APMAP: variants seen among roughly 807,000 people sequenced by gnomAD.
APMAP encodes adipocyte plasma membrane-associated protein.
APMAP carries 33 observed loss-of-function variants against 43.6 expected under a neutral mutation model. The ratio of observed to expected loss-of-function variants is 0.76; its 90% CI spans 0.57 to 1.01. APMAP has a LOEUF of 1.01. Among genes scored for constraint, APMAP ranks in the 50% least tolerant of loss-of-function variants. APMAP has a pLI of 0.00. For missense variants in APMAP, 498 were observed against 540.7 expected (o/e 0.92, Z 0.78); for synonymous variants, 224 against 216.7 (o/e 1.03, Z -0.30).
chr20:24,987,283 G>A (rs762132610), intron 1 of APMAP, among the ~76,000 whole-genome samples: 32 of 152,124 alleles, frequency 2.1e-4, no homozygotes, highest in Non-Finnish European at 3.8e-4. Context: ...ACCACCACAC[G>A]TGGCTAATTG....
At chr20:24,969,461 C>T in intron 7 of APMAP, 65 bp downstream of exon 7, 2 of 1,539,600 alleles carry the variant, frequency 1.3e-6, no homozygotes, top group Non-Finnish European at 1.8e-6. Flanking sequence ...ATTTCCATGC[C>T]CACCCCACCC....
chr20:24,989,799 A>G (rs1326100159), intron 1 of APMAP, among the ~76,000 whole-genome samples: 2 of 152,198 alleles, frequency 1.3e-5, no homozygotes, highest in Non-Finnish European at 2.9e-5. Flanking sequence ...GCTGAGACAA[A>G]CACTCCAGCT....
In APMAP at chr20:24,978,740, T is replaced by A. The variant is rs76109420; in HGVS notation, c.328+27A>T. ...TCAGACAACAGACAGCCTGGAAGGC[T>A]CCCCCCCCACCCAAGCTTAGACTTA... On this transcript the variant is annotated intron_variant, in intron 3 of 8. Transcript: ENST00000217456. The A allele has an allele frequency of 6.9e-6, 7 of 1,014,598 alleles. No homozygotes were observed. The African/African-American group carries it at 1.0e-4, about 15-fold the overall frequency. 62.8% of individuals were successfully genotyped at this position (1,014,598 alleles called of 1,614,324 possible). A position where few individuals can be genotyped will look rare whatever the true frequency, so the allele number is the denominator to read the frequency against.
At chr20:24,964,104 C>A in intron 8 of APMAP, 82 bp from the exon 9 acceptor site, 1 of 1,410,036 alleles carries the variant, frequency 7.1e-7, no homozygotes, top group Non-Finnish European at 9.9e-7. Context: ...CCCCCACCAT[C>A]CAGGAACGGT....
intron 2 of APMAP, among the ~76,000 whole-genome samples, chr20:24,980,885 G>C (rs748600296): frequency 9.2e-5 from 14 of 152,234 alleles, no homozygotes; most frequent in Non-Finnish European, 1.6e-4. Flanking sequence ...TACACGCCAG[G>C]CAGCGCAGGG....
chr20:24,985,114 C>T (rs1263906118), intron 1 of APMAP, among the ~76,000 whole-genome samples: 5 of 152,160 alleles, frequency 3.3e-5, no homozygotes, highest in Non-Finnish European at 7.3e-5. Flanking sequence ...AGGCCAAGCC[C>T]TCTTTCCCAA....
chr20:24,986,530 G>C (rs2088148529), intron 1 of APMAP, among the ~76,000 whole-genome samples: 1 of 152,150 alleles, frequency 6.6e-6, no homozygotes, highest in East Asian at 1.9e-4. Context: ...ATGGGTATAA[G>C]CACCACAGGC....
rs1600281296 is a variant in APMAP at position 24,969,654 on chromosome 20, C to T, written c.720G>A (p.Leu240=). 1 of 1,611,674 alleles carries T rather than the reference C, an allele frequency of 6.2e-7. No homozygotes were observed. Among genetic ancestry groups the T allele is most frequent in the East Asian group, 2.2e-5 (1 of 44,804 alleles). The change falls in exon 7 of 9, where the codon CTG becomes CTA. Residue 240 remains leucine (L), a synonymous_variant. Transcript: ENST00000217456. The stretch of plus-strand genomic sequence containing the variant: ...CTTCCCTGGTCACAGTATCATACTC[C>T]AGCAGGCTGTGGAACACCAAAAGCA... The part of the protein sequence containing the change: ...VMEGTDDGRL[L]EYDTVTREVK...
At chr20:24,975,271 T>C (rs922935568) in intron 3 of APMAP, among the ~76,000 whole-genome samples, 1 of 152,152 alleles carries the variant, frequency 6.6e-6, no homozygotes. Context: ...ATTGTCTAGA[T>C]AGAAAATCTG....
chr20:24,966,059 C>A (rs757553108), intron 8 of APMAP, among the ~76,000 whole-genome samples: 14 of 152,098 alleles, frequency 9.2e-5, no homozygotes, highest in South Asian at 2.1e-4. Flanking sequence ...GCAGCGACAC[C>A]CAAAGCAGCG....
At chr20:24,988,876 C>T (rs1270831714) in intron 1 of APMAP, among the ~76,000 whole-genome samples, 6 of 152,184 alleles carry the variant, frequency 3.9e-5, no homozygotes, top group African/African-American at 1.2e-4. Context: ...CTTTCTGCAA[C>T]GATGGAAATA....
chr20:24,990,231 T>C (rs73114363), intron 1 of APMAP, among the ~76,000 whole-genome samples: 1,714 of 152,354 alleles, frequency 0.011, 7 homozygotes, highest in Non-Finnish European at 0.018. Flanking sequence ...AAATTCTCCA[T>C]TATATTTCAA....
At position 24,992,725 on chromosome 20, in the gene APMAP, A is replaced by T; in HGVS notation, c.-37T>A. 1 of 1,438,374 alleles carries T rather than the reference A, an allele frequency of 7.0e-7. No homozygotes were observed. The highest frequency in any genetic ancestry group is 9.2e-7 in the Non-Finnish European group (1 of 1,082,842). 89.1% of individuals were successfully genotyped at this position (1,438,374 alleles called of 1,614,324 possible). A position where few individuals can be genotyped will look rare whatever the true frequency, so the allele number is the denominator to read the frequency against. On this transcript the variant is annotated 5_prime_UTR_variant, in exon 1 of 9. Coordinates refer to ENST00000217456, the MANE Select transcript of APMAP (RefSeq NM_020531.3). The stretch of plus-strand genomic sequence containing the variant: ...CAGCCTCACCCGCAGAAACCACCTC[A>T]CACTGAGCGGCGCCGGCTCAGACTC...
chr20:24,965,273 C>G (rs2087932797), intron 8 of APMAP, among the ~76,000 whole-genome samples: 1 of 152,254 alleles, frequency 6.6e-6, no homozygotes, highest in Non-Finnish European at 1.5e-5. Flanking sequence ...CTGGCCTGGG[C>G]CCTGCCCTGC....
rs1485822866 is a variant in APMAP at position 24,991,608 on chromosome 20, CCT to C, written c.95+984_95+985del. On this transcript the variant is annotated intron_variant, in intron 1 of 8. Transcript: ENST00000217456. The stretch of plus-strand genomic sequence containing the variant: ...ACTCAGTCTACAGGGGCAAAAACTG[CCT>C]CTCATTCATATGTACCCCACCACCT... 3.9e-5 allele frequency among the ~76,000 whole-genome samples: 6 copies of C among 152,168 alleles called. No homozygotes were observed. In the East Asian group the frequency reaches 1.2e-3, roughly 29 times the overall value.
rs1470551617 is a variant in APMAP at position 24,971,315 on chromosome 20, C to T, written c.538+145G>A. ...TTTAAAACTAGCTGACTTTTGCAGG[C>T]AATGTTTTCAGTACTGTTCAGTGAA... On this transcript the variant is annotated intron_variant, in intron 5 of 8. Transcript: ENST00000217456. 6 of 697,110 alleles carry T rather than the reference C, an allele frequency of 8.6e-6. No individual in the cohort carries two copies. In the African/African-American group the frequency reaches 1.1e-4, roughly 12 times the overall value. The allele number at this position is 697,110 out of a possible 1,614,324, so 43.2% of individuals were successfully genotyped here. A position where few individuals can be genotyped will look rare whatever the true frequency, so the allele number is the denominator to read the frequency against.
In APMAP at chr20:24,963,824, G is replaced by C. The variant is rs145319394; in HGVS notation, c.1240C>G (p.Gln414Glu). ...GCTATCTGGGAGGGCTAAACAGCCTGGAGGCTGAGTCTGCAGAGGAAGGGG... is the reference window on the plus strand; with the variant it reads ...GCTATCTGGGAGGGCTAAACAGCCTCGAGGCTGAGTCTGCAGAGGAAGGGG... ...RSPFLCRLSL[Q>E]AV The change falls in exon 9 of 9, where the codon CAG becomes GAG. Residue 414 changes from glutamine to glutamate, a missense_variant. Coordinates refer to ENST00000217456, the MANE Select transcript of APMAP (RefSeq NM_020531.3). 7 of 1,614,060 alleles carry C rather than the reference G, an allele frequency of 4.3e-6. No homozygotes were observed. The African/African-American group carries it at 6.7e-5, about 15-fold the overall frequency.
At chr20:24,991,756 T>C (rs1419596781) in intron 1 of APMAP, among the ~76,000 whole-genome samples, 1 of 152,254 alleles carries the variant, frequency 6.6e-6, no homozygotes, top group Non-Finnish European at 1.5e-5. Flanking sequence ...TTAAAAGTTA[T>C]GAAATTCAGG....
In APMAP at chr20:24,969,645, A is replaced by G. The variant is rs145175270; in HGVS notation, c.729T>C (p.Asp243=). 787 of 1,613,282 alleles carry G rather than the reference A, an allele frequency of 4.9e-4. 4 individuals carry two copies. The African/African-American group carries it at 9.8e-3, about 20-fold the overall frequency. ...AAACTTTTACTTCCCTGGTCACAGT[A>G]TCATACTCCAGCAGGCTGTGGAACA... ...GTDDGRLLEY[D]TVTREVKVLL... is the part of the protein sequence containing the mutation. The change falls in exon 7 of 9, where the codon GAT becomes GAC. Residue 243 remains aspartate (D), a synonymous_variant. Transcript: ENST00000217456.
Sources: gnomAD v4.1 joint callset for allele counts (sites outside exome capture counted in the v4.1 genomes callset) on GRCh38, gnomAD v4.1.1 for gene constraint, MANE v1.5 for transcripts, NCBI Gene and HGNC (gene_info 2026-07-23, HGNC 2026-07-21) for gene names.